LMNTD1: variants seen among roughly 807,000 people sequenced by gnomAD.
LMNTD1 encodes the protein lamin tail domain-containing protein 1.
Under a neutral mutation model 50.9 loss-of-function variants are expected in LMNTD1, and 35 were observed. That is an observed-to-expected ratio of 0.69 (90% CI 0.53 to 0.91). LMNTD1 has a LOEUF of 0.91. Ranked by LOEUF, LMNTD1 falls within the 40% of genes least tolerant of loss-of-function variation. LMNTD1 has a pLI of 0.00. For missense variants in LMNTD1, 470 were observed against 475.5 expected, an observed-to-expected ratio of 0.99 and a Z score of 0.11; for synonymous variants, 153 against 161.9, an observed-to-expected ratio of 0.94 and a Z score of 0.42.
At chr12:25,604,166 T>A (rs1946043395) in intron 1 of LMNTD1, among the ~76,000 whole-genome samples, 1 of 152,078 alleles carries the variant, frequency 6.6e-6, no homozygotes, top group South Asian at 2.1e-4. Context: ...TTTGTTTAGT[T>A]CTATTTTTTA....
chr12:25,623,158 G>A (rs1946513542), intron 1 of LMNTD1, among the ~76,000 whole-genome samples: 1 of 152,076 alleles, frequency 6.6e-6, no homozygotes, highest in Non-Finnish European at 1.5e-5. Context: ...CAAGAAGCCT[G>A]TCAGAGCTCA....
At chr12:25,489,784 G>GA (rs1938825357) in intron 9 of LMNTD1, among the ~76,000 whole-genome samples, 1 of 152,144 alleles carries the variant, frequency 6.6e-6, no homozygotes, top group Non-Finnish European at 1.5e-5. Flanking sequence ...GACGATTCAG[G>GA]ATATAAGGAT....
Position 25,520,059 on chromosome 12 carries a change from G to T in LMNTD1, c.815C>A (p.Thr272Asn), listed in dbSNP as rs574228554. 9.3e-6 allele frequency: 15 copies of T among 1,610,168 alleles called. No individual in the cohort carries two copies. The highest frequency in any genetic ancestry group is 1.1e-5 in the Non-Finnish European group (13 of 1,178,312). ...CCACGCTTGCTTCCAGTGGATAGGG[G>T]TGTACCACGCAATGGCCTAATGAAA... ...KPNGQAIAWY[T>N]PIHWKQAWEK... The change falls in exon 7 of 10, where the codon ACC becomes AAC. Residue 272 changes from threonine (T) to asparagine (N), a missense_variant. Physicochemically the swap from Thr to Asn is moderately conservative, Grantham distance 65 (BLOSUM62 0). Coordinates refer to ENST00000458174, the MANE Select transcript of LMNTD1 (RefSeq NM_001145728.2).
At chr12:25,528,668 C>T (rs1338380791) in intron 4 of LMNTD1, among the ~76,000 whole-genome samples, 2 of 152,156 alleles carry the variant, frequency 1.3e-5, no homozygotes, top group African/African-American at 4.8e-5. Context: ...TAGAAACAGA[C>T]TCTCCTACAG....
intron 1 of LMNTD1, among the ~76,000 whole-genome samples, chr12:25,646,841 A>G (rs895699554): frequency 6.6e-5 from 10 of 152,256 alleles, no homozygotes; most frequent in Non-Finnish European, 1.3e-4. Flanking sequence ...GCTGTTTGCC[A>G]GCAATGTTGC....
intron 1 of LMNTD1, among the ~76,000 whole-genome samples, chr12:25,638,643 G>A (rs1162978357): frequency 6.6e-6 from 1 of 151,986 alleles, no homozygotes; most frequent in Non-Finnish European, 1.5e-5. Flanking sequence ...TGTAAAACTT[G>A]TGCTCTGGAA....
intron 1 of LMNTD1, among the ~76,000 whole-genome samples, chr12:25,609,090 C>T (rs10842584): frequency 0.49 from 74,435 of 152,002 alleles, 21,736 homozygotes; most frequent in Non-Finnish European, 0.67. Context: ...ATCACTGATA[C>T]CCTTTCTTCC....
intron 9 of LMNTD1, among the ~76,000 whole-genome samples, chr12:25,501,256 G>T (rs1225928480): frequency 6.6e-6 from 1 of 152,138 alleles, no homozygotes; most frequent in South Asian, 2.1e-4. Flanking sequence ...CTCCCAAAGT[G>T]CTGGGTTTAC....
intron 1 of LMNTD1, among the ~76,000 whole-genome samples, chr12:25,594,668 A>C (rs1316603458): frequency 1.6e-4 from 24 of 150,962 alleles, no homozygotes; most frequent in African/African-American, 4.8e-4. Flanking sequence ...AAAAAAAAAA[A>C]AAAAAAAACC....
intron 4 of LMNTD1, among the ~76,000 whole-genome samples, chr12:25,532,893 A>C (rs2136129075): frequency 6.6e-6 from 1 of 152,100 alleles, no homozygotes; most frequent in African/African-American, 2.4e-5. Flanking sequence ...TTTGTTTTTC[A>C]GACTTGCTTT....
At chr12:25,516,949 A>G (rs370338154) in intron 8 of LMNTD1, among the ~76,000 whole-genome samples, 3 of 151,506 alleles carry the variant, frequency 2.0e-5, no homozygotes, top group East Asian at 3.9e-4. Context: ...CAAAAAACAC[A>G]TGAAAAAATG....
intron 2 of LMNTD1, among the ~76,000 whole-genome samples, chr12:25,550,780 T>G (rs561143899): frequency 1.0e-3 from 155 of 152,304 alleles, no homozygotes; most frequent in African/African-American, 3.5e-3. Context: ...ATCAGAAATC[T>G]TATACCTGGA....
intron 4 of LMNTD1, among the ~76,000 whole-genome samples, chr12:25,533,517 C>T (rs555562281): frequency 2.0e-5 from 3 of 152,040 alleles, no homozygotes; most frequent in Non-Finnish European, 4.4e-5. Context: ...TGATATTCTG[C>T]GGTTTGCTAA....
chr12:25,538,341 C>T (rs562438118), intron 4 of LMNTD1, among the ~76,000 whole-genome samples: 1 of 151,098 alleles, frequency 6.6e-6, no homozygotes, highest in African/African-American at 2.4e-5. Context: ...GGGTTACCCT[C>T]AAAGGGAAGC....
At chr12:25,551,599 C>T (rs1023139533) in intron 2 of LMNTD1, among the ~76,000 whole-genome samples, 21 of 152,058 alleles carry the variant, frequency 1.4e-4, no homozygotes, top group African/African-American at 4.6e-4. Flanking sequence ...CTATGTTGCC[C>T]GGGCTGTCTC....
chr12:25,526,995 T>C (rs768619099), intron 4 of LMNTD1, 40 bp from the exon 5 acceptor site: 22 of 1,456,394 alleles, frequency 1.5e-5, no homozygotes, highest in Non-Finnish European at 1.8e-5. Flanking sequence ...TGCCTTCAGA[T>C]AGGAGTGTCT....
intron 1 of LMNTD1, among the ~76,000 whole-genome samples, chr12:25,618,449 T>C (rs1946393520): frequency 6.6e-6 from 1 of 152,232 alleles, no homozygotes; most frequent in South Asian, 2.1e-4. Flanking sequence ...ACCTTAGTGA[T>C]ACTTGCAATA....
intron 8 of LMNTD1, among the ~76,000 whole-genome samples, chr12:25,510,842 G>C (rs779174260): frequency 4.6e-5 from 7 of 151,984 alleles, no homozygotes; most frequent in Non-Finnish European, 8.8e-5. Flanking sequence ...ACTGAGTTTG[G>C]TGCAAGTGAC....
chr12:25,492,031 T>C (rs1469953130), intron 9 of LMNTD1, among the ~76,000 whole-genome samples: 1 of 152,168 alleles, frequency 6.6e-6, no homozygotes, highest in Non-Finnish European at 1.5e-5. Flanking sequence ...TAGCAAACAT[T>C]AGAGTTTACT....
Sources: gnomAD v4.1 joint callset for allele counts (sites outside exome capture counted in the v4.1 genomes callset) on GRCh38, gnomAD v4.1.1 for gene constraint, MANE v1.5 for transcripts, NCBI Gene and HGNC (gene_info 2026-07-23, HGNC 2026-07-21) for gene names.